Variants in SDK1 observed in about 807,000 individuals in gnomAD.
The protein encoded by SDK1 is sidekick cell adhesion molecule 1, also known as protein sidekick-1.
A neutral mutation model predicts 245.5 loss-of-function variants in SDK1; 157 were observed. The ratio of observed to expected loss-of-function variants is 0.64; its 90% confidence interval spans 0.56 to 0.73. The LOEUF (loss-of-function observed/expected upper bound fraction) is 0.73. SDK1 is among the 30% of genes least tolerant of loss of function. The pLI, the probability that SDK1 is intolerant of heterozygous loss-of-function variation, is 0.00. For synonymous variants in SDK1, 1,647 were observed against 1,278.5 expected, an observed-to-expected ratio of 1.29 and a Z score of -6.15; for missense variants, 3,583 against 3,002.3, an observed-to-expected ratio of 1.19 and a Z score of -4.52.
intron 4 of SDK1, among the ~76,000 whole-genome samples, chr7:3,735,474 C>T (rs952980623): frequency 6.6e-6 from 1 of 152,188 alleles, no homozygotes; most frequent in Non-Finnish European, 1.5e-5. Context: ...CCAAGGTTCA[C>T]ACATGTGGTA....
intron 25 of SDK1, among the ~76,000 whole-genome samples, chr7:4,120,906 A>G (rs1584201363): frequency 6.6e-6 from 1 of 150,838 alleles, no homozygotes; most frequent in East Asian, 2.0e-4. Context: ...ATAAGCCACC[A>G]CACCCGGCCA....
At position 3,453,781 on chromosome 7, in the gene SDK1, A is replaced by G. The variant is rs115173399; in HGVS notation, c.298+151897A>G. Among the ~76,000 whole-genome samples, 1,350 of 152,126 alleles carry G rather than the reference A, an allele frequency of 8.9e-3. 20 individuals are homozygous for G. The highest frequency in any genetic ancestry group is 0.031 in the African/African-American group (1,282 of 41,482). ...CTTTTCATAGAAACAGGGTCTTGCT[A>G]TATTGCCCAGGCTGGTCTCAAGCGA... On this transcript the variant is annotated intron_variant, in intron 1 of 44. Transcript: ENST00000404826.
intron 4 of SDK1, among the ~76,000 whole-genome samples, chr7:3,679,194 C>G (rs1392009456): frequency 2.6e-5 from 4 of 152,172 alleles, no homozygotes; most frequent in Non-Finnish European, 5.9e-5. Flanking sequence ...TATTTGCCAG[C>G]CACATGTCTT....
At chr7:3,892,710 A>G (rs368887151) in intron 5 of SDK1, among the ~76,000 whole-genome samples, 14 of 152,200 alleles carry the variant, frequency 9.2e-5, no homozygotes, top group East Asian at 3.8e-4. Flanking sequence ...CAGTGTGACA[A>G]TGAACCCTGA....
Position 4,129,943 on chromosome 7 carries a change from C to T in SDK1, c.3975C>T (p.Pro1325=). ...LFRAKDLDPE[P]RSHIVRGNHT... Reference sequence around the variant, plus strand: ...GGGCCAAAGACCTGGATCCCGAGCCCAGGAGCCACATCGTGCGAGGGAACC... The same window carrying T: ...GGGCCAAAGACCTGGATCCCGAGCCTAGGAGCCACATCGTGCGAGGGAACC... The change falls in exon 27 of 45, where the codon CCC becomes CCT. Residue 1325 remains proline, a synonymous_variant. Transcript: ENST00000404826. 1 of 1,613,786 alleles carries T rather than the reference C, an allele frequency of 6.2e-7. No individual in the cohort carries two copies. The highest frequency in any genetic ancestry group is 8.5e-7 in the Non-Finnish European group (1 of 1,179,930).
chr7:4,238,901 A>C (rs1786354954), intron 42 of SDK1, among the ~76,000 whole-genome samples: 2 of 152,046 alleles, frequency 1.3e-5, no homozygotes, highest in African/African-American at 4.8e-5. Flanking sequence ...CAGGTGGCAT[A>C]TTGTACTATG....
intron 14 of SDK1, among the ~76,000 whole-genome samples, chr7:3,990,489 A>T (rs1221933239): frequency 5.3e-5 from 8 of 152,252 alleles, no homozygotes; most frequent in Non-Finnish European, 1.0e-4. Context: ...CTGAGAGTAC[A>T]GAAGAGTTTC....
At chr7:3,822,710 G>A (rs565830016) in intron 5 of SDK1, among the ~76,000 whole-genome samples, 1 of 151,804 alleles carries the variant, frequency 6.6e-6, no homozygotes, top group Non-Finnish European at 1.5e-5. Context: ...GGAGGTTGCA[G>A]TGAGCTGAGA....
intron 5 of SDK1, among the ~76,000 whole-genome samples, chr7:3,866,691 C>T (rs1780829469): frequency 6.6e-6 from 1 of 152,110 alleles, no homozygotes; most frequent in Non-Finnish European, 1.5e-5. Context: ...AGAGACTGAG[C>T]ATTGATTGTG....
chr7:4,234,265 C>G (rs1047296247), intron 41 of SDK1, among the ~76,000 whole-genome samples: 1 of 152,322 alleles, frequency 6.6e-6, no homozygotes, highest in Middle Eastern at 3.4e-3. Context: ...TTCACGTGCA[C>G]ACCTTCGCTG....
chr7:3,870,130 T>G (rs1329003073), intron 5 of SDK1, among the ~76,000 whole-genome samples: 1 of 152,212 alleles, frequency 6.6e-6, no homozygotes, highest in Non-Finnish European at 1.5e-5. Context: ...TTGGTCAGCA[T>G]TCAGGGAAGT....
intron 4 of SDK1, among the ~76,000 whole-genome samples, chr7:3,750,263 G>A (rs186818201): frequency 6.6e-6 from 1 of 152,336 alleles, no homozygotes; most frequent in Admixed American, 6.5e-5. Flanking sequence ...GGAGAACAAG[G>A]ACTGGGAAAG....
intron 1 of SDK1, among the ~76,000 whole-genome samples, chr7:3,473,742 C>T (rs1473895814): frequency 6.6e-6 from 1 of 152,090 alleles, no homozygotes; most frequent in Non-Finnish European, 1.5e-5. Flanking sequence ...GCCTCCTACA[C>T]AGAGCCCTGG....
At chr7:3,678,503 A>G (rs575584897) in intron 4 of SDK1, among the ~76,000 whole-genome samples, 16 of 152,346 alleles carry the variant, frequency 1.1e-4, no homozygotes, top group South Asian at 1.0e-3. Context: ...ATCATTCACT[A>G]TGCTAAGTGA....
chr7:3,382,540 G>A (rs987739969), intron 1 of SDK1, among the ~76,000 whole-genome samples: 3 of 152,126 alleles, frequency 2.0e-5, no homozygotes, highest in Admixed American at 6.5e-5. Context: ...TTGGTGCCAG[G>A]CATTGCCCTA....
chr7:4,113,221 T>G, intron 23 of SDK1, 68 bp from the exon 24 acceptor site: 2 of 1,529,480 alleles, frequency 1.3e-6, no homozygotes, highest in Non-Finnish European at 1.8e-6. Flanking sequence ...GTCAGCGCCT[T>G]TGTGGTTTCG....
At chr7:4,113,020 C>A (rs1050553916) in intron 23 of SDK1, among the ~76,000 whole-genome samples, 16 of 152,236 alleles carry the variant, frequency 1.1e-4, no homozygotes, top group African/African-American at 3.6e-4. Context: ...GCCTCAGCCT[C>A]CCTAAGTGCT....
rs555457047 is a variant in SDK1, at chr7:3,399,822, C to G, written c.298+97938C>G. On this transcript the variant is annotated intron_variant, in intron 1 of 44. Coordinates refer to ENST00000404826, the MANE Select transcript of SDK1 (RefSeq NM_152744.4). ...TGGCCCGGTACATGTGTGTGGAGTT[C>G]CAGATACCCACTGTGGACATCTCAT... 6.1e-4 allele frequency among the ~76,000 whole-genome samples: 93 copies of G among 152,158 alleles called. 1 individual carries two copies. The highest frequency in any genetic ancestry group is 2.2e-3 in the African/African-American group (92 of 41,520).
intron 2 of SDK1, among the ~76,000 whole-genome samples, chr7:3,638,671 T>G (rs1290710389): frequency 6.8e-6 from 1 of 146,766 alleles, no homozygotes; most frequent in Non-Finnish European, 1.5e-5. Flanking sequence ...CATTAGGAGA[T>G]ATACCTAATG....
Sources: gnomAD v4.1 joint callset for allele counts (sites outside exome capture counted in the v4.1 genomes callset) on GRCh38, gnomAD v4.1.1 for gene constraint, MANE v1.5 for transcripts, NCBI Gene and HGNC (gene_info 2026-07-23, HGNC 2026-07-21) for gene names.